SCN4A: variants seen among roughly 807,000 people sequenced by gnomAD.
SCN4A encodes sodium channel protein type 4 subunit alpha.
SCN4A carries 83 observed loss-of-function variants against 162.0 expected under a neutral mutation model. The ratio of observed to expected loss-of-function variants is 0.51; its 90% confidence interval spans 0.43 to 0.61. The LOEUF (loss-of-function observed/expected upper bound fraction) is 0.61, where lower values mean the gene tolerates loss of function less well. SCN4A is among the 20% of genes least tolerant of loss of function. The pLI is 0.00. For synonymous variants in SCN4A, 944 were observed against 985.1 expected, an observed-to-expected ratio of 0.96 and a Z score of 0.78; for missense variants, 2,196 against 2,462.5, an observed-to-expected ratio of 0.89 and a Z score of 2.29.
intron 10 of SCN4A, chr17:63,961,680 A>C: frequency 2.0e-6 from 1 of 503,156 alleles, no homozygotes; most frequent in Non-Finnish European, 3.6e-6. Flanking sequence ...TCCAAGCTCC[A>C]CCGCCTCAGT....
chr17:63,969,002 G>A (rs773342808), intron 5 of SCN4A, among the ~76,000 whole-genome samples: 27 of 152,026 alleles, frequency 1.8e-4, no homozygotes, highest in Non-Finnish European at 3.8e-4. Flanking sequence ...ACCACACCCA[G>A]CTCATTTTTT....
Position 63,940,894 on chromosome 17 carries a change from G to A in SCN4A, c.5388C>T (p.Gly1796=), listed in dbSNP as rs776943430. 9 of 1,613,896 alleles carry A rather than the reference G, an allele frequency of 5.6e-6. No individual in the cohort carries two copies. Among genetic ancestry groups the A allele is most frequent in the East Asian group, 2.2e-5 (1 of 44,878 alleles). Residue 1796 remains glycine (G), a synonymous_variant, in exon 24 of 24, where the codon GGC becomes GGT. Coordinates refer to ENST00000435607, the MANE Select transcript of SCN4A (RefSeq NM_000334.4). ...TAGTGGGTCCGGCGTCCCCTGCCTC[G>A]CCCTTCTCCTCCGGGCTTGGCGAGC... ...NSSSPSPEEK[G]EAGDAGPTMG...
In SCN4A at chr17:63,963,831, G is replaced by A. The variant is rs368267517; in HGVS notation, c.1453-6C>T. Reference sequence around the variant, plus strand: ...AGAGCTTGGGCGGCCTTGGCCTGTAGACCAGCAAGAGTGACTGGCAGGAAG... The same window carrying A: ...AGAGCTTGGGCGGCCTTGGCCTGTAAACCAGCAAGAGTGACTGGCAGGAAG... On this transcript the variant is annotated splice_region_variant and splice_polypyrimidine_tract_variant and intron_variant, in intron 9 of 23. Transcript: ENST00000435607. 1.3e-6 allele frequency: 2 copies of A among 1,594,174 alleles called. No homozygotes were observed. Among genetic ancestry groups the A allele is most frequent in the Non-Finnish European group, 1.7e-6 (2 of 1,170,688 alleles).
In SCN4A at chr17:63,945,660, G is replaced by A; in HGVS notation, c.3442-22C>T. On this transcript the variant is annotated intron_variant, in intron 18 of 23. Coordinates refer to ENST00000435607, the MANE Select transcript of SCN4A (RefSeq NM_000334.4). The surrounding 1 kb of genome is among the most constrained non-coding windows in gnomAD (Gnocchi z 4.4). Reference sequence around the variant, plus strand: ...CCACCTGGGGGCCAGGGGGTCCATTGCCAGTGCCTCTCCCAGCCTCTGAGA... The same window carrying A: ...CCACCTGGGGGCCAGGGGGTCCATTACCAGTGCCTCTCCCAGCCTCTGAGA... 3.1e-6 allele frequency: 5 copies of A among 1,613,138 alleles called. No individual in the cohort carries two copies. The highest frequency in any genetic ancestry group is 4.2e-6 in the Non-Finnish European group (5 of 1,179,540).
Position 63,945,148 on chromosome 17 carries a change from T to C in SCN4A, c.3721-88A>G. On this transcript the variant is annotated intron_variant, in intron 19 of 23. Transcript: ENST00000435607. This position sits in a 1 kb window ranked among gnomAD's most constrained non-coding sequence, Gnocchi z 4.4. ...TTCCCTCCCCCACCCAACCTGGTCC[T>C]CCCCTGCCAGAGGCCGCCTGCCAGA... 1 of 1,408,752 alleles carries C rather than the reference T, an allele frequency of 7.1e-7. No individual in the cohort carries two copies. Among genetic ancestry groups the C allele is most frequent in the Non-Finnish European group, 9.9e-7 (1 of 1,009,144 alleles). The allele number at this position is 1,408,752 out of a possible 1,614,324, so 87.3% of individuals were successfully genotyped here. A position where few individuals can be genotyped will look rare whatever the true frequency, so the allele number is the denominator to read the frequency against.
At chr17:63,965,520 G>A (rs74379280) in intron 8 of SCN4A, among the ~76,000 whole-genome samples, 5,589 of 150,032 alleles carry the variant, frequency 0.037, 185 homozygotes, top group African/African-American at 0.091. Flanking sequence ...ACGGAGTCTC[G>A]CTCTGTCGCC....
rs111745569 is a variant in SCN4A, at chr17:63,943,212, CAGAGAG to C, written c.4018-122_4018-117del. On this transcript the variant is annotated intron_variant, in intron 22 of 23. Transcript: ENST00000435607. ...AGCATGACAGAGATGACAGAGATGA[CAGAGAG>C]AGAGAGAGAGAGAGAGAGAAAGGAG... 1.5e-3 allele frequency: 570 copies of C among 368,766 alleles called. 1 individual carries two copies. The highest frequency in any genetic ancestry group is 3.4e-3 in the African/African-American group (73 of 21,482). 22.8% of individuals were successfully genotyped at this position (368,766 alleles called of 1,614,324 possible).
intron 12 of SCN4A, among the ~76,000 whole-genome samples, chr17:63,958,058 C>T (rs1045827885): frequency 1.3e-5 from 2 of 150,052 alleles, no homozygotes; most frequent in Admixed American, 6.7e-5. Flanking sequence ...AAATGTCATT[C>T]GTCATTATCT....
chr17:63,950,221 G>A lies in SCN4A; in HGVS notation c.2854-693C>T, dbSNP rs183313382. On this transcript the variant is annotated intron_variant, in intron 14 of 23. Coordinates refer to ENST00000435607, the MANE Select transcript of SCN4A (RefSeq NM_000334.4). This position sits in a 1 kb window ranked among gnomAD's most constrained non-coding sequence, Gnocchi z 4.6. ...AGGCCTCTGAAGAGAAGGAAGAAGAGGGCAACTTGGGGGGCAGCTCTGTAT... is the reference window on the plus strand; with the variant it reads ...AGGCCTCTGAAGAGAAGGAAGAAGAAGGCAACTTGGGGGGCAGCTCTGTAT... Among the ~76,000 whole-genome samples, 488 of 152,278 alleles carry A rather than the reference G, an allele frequency of 3.2e-3. 4 individuals carry two copies. Among genetic ancestry groups the A allele is most frequent in the African/African-American group, 0.011 (443 of 41,534 alleles).
chr17:63,952,512 C>T (rs547388098), intron 13 of SCN4A, among the ~76,000 whole-genome samples: 2 of 152,148 alleles, frequency 1.3e-5, no homozygotes, highest in African/African-American at 4.8e-5. Flanking sequence ...GAACTGGGCT[C>T]AAGTCGCCGA....
rs1480989482 is a variant in SCN4A at position 63,941,468 on chromosome 17, G to A, written c.4814C>T (p.Thr1605Ile). The A allele has an allele frequency of 1.2e-6, 2 of 1,614,152 alleles. No homozygotes were observed. The highest frequency in any genetic ancestry group is 1.7e-6 in the Non-Finnish European group (2 of 1,180,024). The change falls in exon 24 of 24, where the codon ACA (threonine) becomes ATA (isoleucine). Residue 1605 changes from threonine to isoleucine, a missense_variant. Thr to Ile is a moderately conservative substitution (Grantham distance 89). Coordinates refer to ENST00000435607, the MANE Select transcript of SCN4A (RefSeq NM_000334.4). The surrounding 1 kb of genome is among the most constrained non-coding windows in gnomAD (Gnocchi z 6.2). Reference protein sequence around the residue: ...AIILENFNVATEESSEPLGED... With the variant: ...AIILENFNVAIEESSEPLGED... ...ACCAAGGGGCTCGCTGCTCTCCTCTGTGGCCACATTGAAGTTCTCCAGGAT... is the reference window on the plus strand; with the variant it reads ...ACCAAGGGGCTCGCTGCTCTCCTCTATGGCCACATTGAAGTTCTCCAGGAT...
Position 63,972,697 on chromosome 17 carries a change from C to T in SCN4A, c.145G>A (p.Glu49Lys), listed in dbSNP as rs368011562. The T allele has an allele frequency of 1.9e-4, 299 of 1,613,776 alleles. No homozygotes were observed. Among genetic ancestry groups the T allele is most frequent in the Non-Finnish European group, 2.4e-4 (289 of 1,179,804 alleles). ...TCACTTCGTGGCTTCCGTTCGGGCTCCTCAATCTCCATCTGCTTATTCCGC... is the reference window on the plus strand; with the variant it reads ...TCACTTCGTGGCTTCCGTTCGGGCTTCTCAATCTCCATCTGCTTATTCCGC... Reference protein sequence around the residue: ...LQRNKQMEIEEPERKPRSDLE... With the variant: ...LQRNKQMEIEKPERKPRSDLE... Residue 49 changes from glutamate (E) to lysine (K), a missense_variant, in exon 1 of 24, where the codon GAG (glutamate) becomes AAG (lysine). Physicochemically the swap from Glu to Lys is moderately conservative, Grantham distance 56. Transcript: ENST00000435607. This position sits in a 1 kb window ranked among gnomAD's most constrained non-coding sequence, Gnocchi z 4.3.
At chr17:63,949,777 G>T (rs149994982) in intron 14 of SCN4A, 2 of 414,556 alleles carry the variant, frequency 4.8e-6, no homozygotes, top group East Asian at 8.1e-5. Context: ...GGACGGTAAG[G>T]GCATGAGGAC....
At chr17:63,961,877 C>CGCGGCTCCAAGCTCCT (rs1555603763) in intron 10 of SCN4A, among the ~76,000 whole-genome samples, 1 of 143,438 alleles carries the variant, frequency 7.0e-6, no homozygotes, top group Non-Finnish European at 1.5e-5. Flanking sequence ...AAGCCCCACC[C>CGCGGCTCCAAGCTCCT]CCGGCTCCAA....
At position 63,961,470 on chromosome 17, in the gene SCN4A, T is replaced by C. The variant is rs113388754; in HGVS notation, c.1607-39A>G. The stretch of plus-strand genomic sequence containing the variant: ...GGTAGCAGGTATCTGGTGAGGATTA[T>C]CCCCTCACGTGCCCCCGGCTCCAGC... On this transcript the variant is annotated intron_variant, in intron 10 of 23. Transcript: ENST00000435607. 458 of 1,427,588 alleles carry C rather than the reference T, an allele frequency of 3.2e-4. 3 individuals are homozygous for C. The African/African-American group carries it at 5.8e-3, about 18-fold the overall frequency. 88.4% of individuals were successfully genotyped at this position (1,427,588 alleles called of 1,614,324 possible).
chr17:63,954,316 C>T (rs1315160971), intron 13 of SCN4A, among the ~76,000 whole-genome samples: 2 of 152,202 alleles, frequency 1.3e-5, no homozygotes, highest in Admixed American at 1.3e-4. Flanking sequence ...CGCCATGTCC[C>T]CTAGAGGCTT....
chr17:63,946,978 C>T, intron 18 of SCN4A, 67 bp downstream of exon 18: 2 of 1,440,824 alleles, frequency 1.4e-6, no homozygotes, highest in East Asian at 2.5e-5. Flanking sequence ...CATGCACCCT[C>T]CACCCTGCAG....
chr17:63,941,518 G>T lies in SCN4A; in HGVS notation c.4764C>A (p.Ile1588=), dbSNP rs768778696. The change falls in exon 24 of 24, where the codon ATC becomes ATA. Residue 1588 remains isoleucine (I), a synonymous_variant. Transcript: ENST00000435607. This position sits in a 1 kb window ranked among gnomAD's most constrained non-coding sequence, Gnocchi z 6.2. ...TGATGGCGATGTACATGTTGACCAC[G>T]ATGAGGAAGGAGATGATGATATAGC... is the stretch of plus-strand genomic sequence containing the variant. ...FCSYIIISFL[I]VVNMYIAIIL... 1.9e-6 allele frequency: 3 copies of T among 1,614,000 alleles called. No individual in the cohort carries two copies. The highest frequency in any genetic ancestry group is 2.5e-6 in the Non-Finnish European group (3 of 1,180,032).
chr17:63,970,771 C>T (rs1047591852), intron 5 of SCN4A, among the ~76,000 whole-genome samples: 4 of 152,060 alleles, frequency 2.6e-5, no homozygotes, highest in Non-Finnish European at 5.9e-5. Context: ...GTAGATGGGA[C>T]TACAGGTGCA....
Sources: gnomAD v4.1 joint callset for allele counts (sites outside exome capture counted in the v4.1 genomes callset) on GRCh38, gnomAD v4.1.1 for gene constraint, Gnocchi (gnomAD v3.1) non-coding constraint, MANE v1.5 for transcripts, NCBI Gene and HGNC (gene_info 2026-07-23, HGNC 2026-07-21) for gene names.